The following SRP19 variants were observed in gnomAD, a reference collection of about 807,000 sequenced individuals.
SRP19 encodes the protein signal recognition particle 19 kDa protein.
In SRP19, 11 loss-of-function variants were observed where a neutral mutation model predicts 22.4. The observed-to-expected ratio is 0.49, with a 90% CI of 0.31 to 0.81. The LOEUF is 0.81. Among genes scored for constraint, SRP19 ranks in the 40% least tolerant of loss-of-function variants. The pLI, the probability that SRP19 is intolerant of heterozygous loss-of-function variation, is 0.05. For synonymous variants in SRP19, 61 were observed against 57.6 expected (o/e 1.06, Z -0.27); for missense variants, 168 against 175.9 (o/e 0.96, Z 0.25).
chr5:112,866,456 C>T (rs1767609142), intron 4 of SRP19, among the ~76,000 whole-genome samples: 1 of 152,190 alleles, frequency 6.6e-6, no homozygotes, highest in African/African-American at 2.4e-5. Flanking sequence ...AAGCAACCCT[C>T]CTGCCTCAGC....
At chr5:112,875,067 T>C (rs907573393) in intron 4 of SRP19, among the ~76,000 whole-genome samples, 4 of 152,096 alleles carry the variant, frequency 2.6e-5, no homozygotes, top group African/African-American at 9.7e-5. Flanking sequence ...TGAACCACCG[T>C]GCCCGGCCCA....
rs1767673435 is a variant in SRP19 at position 112,868,286 on chromosome 5, AAGT to A, written c.*753_*755del. 1.0e-6 allele frequency: 1 copy of A among 985,378 alleles called. No homozygotes were observed. The allele number at this position is 985,378 out of a possible 1,614,324, so 61.0% of individuals were successfully genotyped here. On this transcript the variant is annotated 3_prime_UTR_variant, in exon 5 of 5. Transcript: ENST00000505459. ...TCCAGAATTTCAGAGCGGTTTCTGAAAGTAGTGATTTTGAGCTATCCCAATTCC... is the reference window on the plus strand; with the variant it reads ...TCCAGAATTTCAGAGCGGTTTCTGAAAGTGATTTTGAGCTATCCCAATTCC...
chr5:112,862,893 CA>C (rs1767461516), intron 2 of SRP19, among the ~76,000 whole-genome samples: 1 of 152,042 alleles, frequency 6.6e-6, no homozygotes, highest in African/African-American at 2.4e-5. Flanking sequence ...TATAGGAAAT[CA>C]AAATTATGAC....
intron 4 of SRP19, among the ~76,000 whole-genome samples, chr5:112,880,050 T>C (rs543162893): frequency 6.6e-6 from 1 of 152,312 alleles, no homozygotes; most frequent in South Asian, 2.1e-4. Context: ...TGTGCCACCA[T>C]TCTCTCCTAT....
At chr5:112,871,849 G>T (rs1279426992), downstream of SRP19, among the ~76,000 whole-genome samples, 2 of 152,156 alleles carry the variant, frequency 1.3e-5, no homozygotes, top group East Asian at 3.9e-4. Context: ...GGGACTAGAG[G>T]TACATGGCAC....
At chr5:112,890,692 A>G (rs1471995623) in intron 4 of SRP19, among the ~76,000 whole-genome samples, 4 of 150,400 alleles carry the variant, frequency 2.7e-5, no homozygotes, top group Non-Finnish European at 5.9e-5. Flanking sequence ...ATCTCACTCT[A>G]AAGATATATA....
intron 4 of SRP19, among the ~76,000 whole-genome samples, chr5:112,866,861 A>T (rs1767622434): frequency 1.3e-5 from 2 of 152,232 alleles, no homozygotes; most frequent in African/African-American, 4.8e-5. Flanking sequence ...TTCCAGTAAG[A>T]CCCAAGTAAG....
chr5:112,864,867 A>G (rs530511250), intron 4 of SRP19, 135 bp downstream of exon 4: 1 of 580,474 alleles, frequency 1.7e-6, no homozygotes, highest in East Asian at 2.8e-5. Flanking sequence ...ACTACTGCTC[A>G]TGGAGAGAAG....
downstream of SRP19, chr5:112,893,412 A>G (rs115952133): frequency 0.011 from 1,938 of 178,004 alleles, 11 homozygotes; most frequent in Middle Eastern, 0.031. Context: ...TGTGTCTCAA[A>G]AAATAGAATT....
At chr5:112,884,255 G>A (rs555595269) in intron 4 of SRP19, among the ~76,000 whole-genome samples, 32 of 152,166 alleles carry the variant, frequency 2.1e-4, no homozygotes, top group South Asian at 1.9e-3. Flanking sequence ...GCCTCCATTC[G>A]CAACTTCTTC....
In SRP19 at chr5:112,867,451, A is replaced by G; in HGVS notation, c.349A>G (p.Thr117Ala). The G allele has an allele frequency of 6.2e-7, 1 of 1,614,092 alleles. No homozygotes were observed. The highest frequency in any genetic ancestry group is 8.5e-7 in the Non-Finnish European group (1 of 1,179,992). ...YAAEMIPKLK[T>A]RTQKTGGADQ... ...AGCAGAAATGATACCTAAACTAAAA[A>G]CAAGGACACAAAAAACAGGAGGTGC... The change falls in exon 5 of 5, where the codon ACA becomes GCA. Residue 117 changes from threonine to alanine, a missense_variant. By Grantham distance (58) the Thr-to-Ala change is moderately conservative. Transcript: ENST00000505459.
chr5:112,892,360 T>C (rs755394365), exon 5 of SRP19: 2 of 1,613,984 alleles, frequency 1.2e-6, no homozygotes, highest in Admixed American at 1.7e-5. Context: ...CTACCAACAG[T>C]TCCTAGATTT....
chr5:112,896,652 C>A (rs1768688501), downstream of SRP19: 2 of 152,072 alleles, frequency 1.3e-5, no homozygotes, highest in Admixed American at 1.3e-4. Context: ...AAAAATAAAT[C>A]TAGCCAGGCC....
intron 4 of SRP19, among the ~76,000 whole-genome samples, chr5:112,890,525 G>C (rs920689422): frequency 2.0e-5 from 3 of 150,064 alleles, no homozygotes; most frequent in Admixed American, 2.0e-4. Flanking sequence ...ATGCAGGCAC[G>C]CACCATCACG....
downstream of SRP19, chr5:112,895,166 G>A (rs1279618029): frequency 6.9e-6 from 1 of 145,342 alleles, no homozygotes; most frequent in East Asian, 2.1e-4. Context: ...TGGAACCCAG[G>A]AGGCGGAGGT....
chr5:112,891,095 CAG>C (rs766422449), intron 4 of SRP19, among the ~76,000 whole-genome samples: 1 of 147,738 alleles, frequency 6.8e-6, no homozygotes. Flanking sequence ...ATTTTTGAGA[CAG>C]AGTCTCACTC....
At chr5:112,871,592 A>G (rs1767761811), downstream of SRP19, among the ~76,000 whole-genome samples, 1 of 152,108 alleles carries the variant, frequency 6.6e-6, no homozygotes, top group African/African-American at 2.4e-5. Flanking sequence ...CCCTATCTCT[A>G]CTAAAAATAA....
chr5:112,872,547 T>TC (rs973616322), downstream of SRP19, among the ~76,000 whole-genome samples: 2 of 152,262 alleles, frequency 1.3e-5, no homozygotes, highest in East Asian at 3.9e-4. Flanking sequence ...CAGGCTGGTC[T>TC]CCAACTCCTG....
chr5:112,893,721 C>T (rs1205611531), downstream of SRP19: 1 of 152,256 alleles, frequency 6.6e-6, no homozygotes, highest in African/African-American at 2.4e-5. Context: ...CATGCAAAAA[C>T]TCAAATCAGC....
Sources: allele counts gnomAD v4.1 joint callset (sites outside exome capture counted in the v4.1 genomes callset), GRCh38; gene constraint gnomAD v4.1.1; transcripts MANE v1.5; gene names NCBI Gene and HGNC (gene_info 2026-07-23, HGNC 2026-07-21).